The following GRIA4 variants were observed in gnomAD, a reference collection of about 807,000 sequenced individuals.
GRIA4 encodes the protein glutamate receptor 4.
GRIA4 carries 34 observed loss-of-function variants against 104.0 expected under a neutral mutation model. That is an observed-to-expected ratio of 0.33 (90% CI 0.25 to 0.44). The LOEUF (loss-of-function observed/expected upper bound fraction) is 0.44. Among genes scored for constraint, GRIA4 ranks in the 20% least tolerant of loss-of-function variants. The pLI is 1.00. For synonymous variants in GRIA4, 386 were observed against 381.9 expected (o/e 1.01, Z -0.13); for missense variants, 750 against 1,096.5 (o/e 0.68, Z 4.46).
At chr11:105,945,359 G>A in intron 14 of GRIA4, 1 of 168,812 alleles carries the variant, frequency 5.9e-6, no homozygotes. Flanking sequence ...CAGACATTTG[G>A]TAGTGTCTTG....
intron 8 of GRIA4, among the ~76,000 whole-genome samples, chr11:105,904,531 A>G (rs1488780513): frequency 6.6e-6 from 1 of 152,200 alleles, no homozygotes; most frequent in Non-Finnish European, 1.5e-5. Context: ...AGAACCAGAA[A>G]TAATGACTAC....
intron 4 of GRIA4, among the ~76,000 whole-genome samples, chr11:105,788,565 A>G (rs934571876): frequency 2.0e-5 from 3 of 152,198 alleles, no homozygotes; most frequent in Non-Finnish European, 4.4e-5. Flanking sequence ...TGCAGCCAGA[A>G]AAAAAGAACA....
At chr11:105,877,101 C>T (rs550448939) in intron 5 of GRIA4, among the ~76,000 whole-genome samples, 10 of 152,232 alleles carry the variant, frequency 6.6e-5, no homozygotes, top group Non-Finnish European at 1.3e-4. Flanking sequence ...GTAAGGCAGG[C>T]CTGGTGGTGA....
At chr11:105,896,570 C>A (rs2136123951) in intron 6 of GRIA4, among the ~76,000 whole-genome samples, 1 of 152,042 alleles carries the variant, frequency 6.6e-6, no homozygotes, top group Admixed American at 6.6e-5. Flanking sequence ...CTTATGTAGT[C>A]TTTAATCTAT....
chr11:105,966,700 A>AG (rs998386561), intron 14 of GRIA4, among the ~76,000 whole-genome samples: 3 of 86,412 alleles, frequency 3.5e-5, no homozygotes, highest in Non-Finnish European at 4.9e-5. Context: ...CTAAAATAAT[A>AG]GTTTTTTTTA....
rs564075595 is a variant in GRIA4, at chr11:105,903,026, T to C, written c.886-788T>C. On this transcript the variant is annotated intron_variant, in intron 7 of 16. Coordinates refer to ENST00000282499, the MANE Select transcript of GRIA4 (RefSeq NM_000829.4). ...TTTATCTCAATCTTTCCTCACTTTT[T>C]CCCCTAATCTTAATAATCTTTTCTC... is the stretch of plus-strand genomic sequence containing the variant. Among the ~76,000 whole-genome samples, 5 of 152,312 alleles carry C rather than the reference T, an allele frequency of 3.3e-5. 1 individual carries two copies. The highest frequency in any genetic ancestry group is 9.6e-5 in the African/African-American group (4 of 41,582).
At chr11:105,790,821 G>A (rs1020379693) in intron 4 of GRIA4, among the ~76,000 whole-genome samples, 5 of 152,200 alleles carry the variant, frequency 3.3e-5, no homozygotes, top group African/African-American at 1.2e-4. Context: ...GAAAATGCGA[G>A]TTAAAATAAT....
chr11:105,702,125 G>A (rs987049543), intron 3 of GRIA4, among the ~76,000 whole-genome samples: 1 of 152,082 alleles, frequency 6.6e-6, no homozygotes, highest in East Asian at 1.9e-4. Flanking sequence ...TTAGAGAAAG[G>A]ATCTCACTAT....
chr11:105,625,122 CAGAG>C (rs1283313487), intron 3 of GRIA4, among the ~76,000 whole-genome samples: 1 of 151,864 alleles, frequency 6.6e-6, no homozygotes, highest in East Asian at 1.9e-4. Context: ...GGAAGATAGA[CAGAG>C]AGAGAGGCAG....
chr11:105,859,977 C>T (rs1292224749), intron 4 of GRIA4, among the ~76,000 whole-genome samples: 3 of 151,786 alleles, frequency 2.0e-5, no homozygotes, highest in East Asian at 1.9e-4. Context: ...ACATATGTGT[C>T]GAATGGGAAA....
intron 5 of GRIA4, among the ~76,000 whole-genome samples, chr11:105,867,422 C>T (rs928480481): frequency 2.0e-5 from 3 of 152,192 alleles, no homozygotes; most frequent in Admixed American, 2.0e-4. Context: ...CATGGCAATA[C>T]TTAGTAAAAG....
chr11:105,912,478 A>C, intron 10 of GRIA4: 1 of 492,552 alleles, frequency 2.0e-6, no homozygotes, highest in Non-Finnish European at 2.5e-6. Flanking sequence ...GCATGCTATC[A>C]AAAAAAAAAA....
intron 13 of GRIA4, among the ~76,000 whole-genome samples, chr11:105,927,355 T>C (rs1291632745): frequency 6.6e-6 from 1 of 152,110 alleles, no homozygotes; most frequent in Non-Finnish European, 1.5e-5. Context: ...AAAACCTTAA[T>C]TGCAGATTAT....
At chr11:105,643,228 G>A (rs1951422923) in intron 3 of GRIA4, among the ~76,000 whole-genome samples, 2 of 152,096 alleles carry the variant, frequency 1.3e-5, no homozygotes, top group South Asian at 4.2e-4. Context: ...TTTTATTTCA[G>A]CTATAGATCA....
At chr11:105,875,715 T>C (rs1945794283) in intron 5 of GRIA4, among the ~76,000 whole-genome samples, 1 of 152,208 alleles carries the variant, frequency 6.6e-6, no homozygotes, top group South Asian at 2.1e-4. Context: ...GTGTTTATAG[T>C]ATTCTCTGAT....
At chr11:105,742,144 T>C (rs1450524230) in intron 3 of GRIA4, among the ~76,000 whole-genome samples, 1 of 152,170 alleles carries the variant, frequency 6.6e-6, no homozygotes, top group Non-Finnish European at 1.5e-5. Context: ...TTCCTTATCA[T>C]AACAGTTTAT....
intron 13 of GRIA4, among the ~76,000 whole-genome samples, chr11:105,928,805 A>G (rs1160511021): frequency 6.6e-6 from 1 of 152,056 alleles, no homozygotes; most frequent in Non-Finnish European, 1.5e-5. Context: ...CACACTGAAA[A>G]TGTGTATATC....
At chr11:105,911,685 T>G (rs1043761647) in intron 10 of GRIA4, among the ~76,000 whole-genome samples, 1 of 148,544 alleles carries the variant, frequency 6.7e-6, no homozygotes, top group African/African-American at 2.5e-5. Flanking sequence ...CAGCAGAAGT[T>G]TATGATTTTA....
intron 3 of GRIA4, among the ~76,000 whole-genome samples, chr11:105,616,864 T>C (rs1389622580): frequency 6.6e-6 from 1 of 151,636 alleles, no homozygotes; most frequent in Non-Finnish European, 1.5e-5. Context: ...AATTCTTTAG[T>C]TTTATATTTT....
Sources: gnomAD v4.1 joint callset for allele counts (sites outside exome capture counted in the v4.1 genomes callset) on GRCh38, gnomAD v4.1.1 for gene constraint, MANE v1.5 for transcripts, NCBI Gene and HGNC (gene_info 2026-07-23, HGNC 2026-07-21) for gene names.